The following TNKS variants were observed in gnomAD, a reference collection of about 807,000 sequenced individuals.
TNKS encodes tankyrase.
Under a neutral mutation model 135.8 loss-of-function variants are expected in TNKS, and 72 were observed. That is an observed-to-expected ratio of 0.53 (90% CI 0.44 to 0.64). The LOEUF is 0.64. TNKS is among the 30% of genes least tolerant of loss of function. The pLI is 0.00. For missense variants in TNKS, 1,769 were observed against 1,674.0 expected (o/e 1.06, Z -0.99); for synonymous variants, 849 against 649.3 (o/e 1.31, Z -4.68).
chr8:9,631,407 TAA>T (rs1248044504), intron 3 of TNKS, among the ~76,000 whole-genome samples: 3 of 152,230 alleles, frequency 2.0e-5, no homozygotes, highest in African/African-American at 7.2e-5. Context: ...ATCATGCTTA[TAA>T]GTCATAAAAT....
intron 3 of TNKS, among the ~76,000 whole-genome samples, chr8:9,675,031 A>G (rs1453553162): frequency 6.6e-6 from 1 of 152,178 alleles, no homozygotes; most frequent in East Asian, 1.9e-4. Context: ...AAGATCCTGG[A>G]GCAAAATAAT....
At chr8:9,638,334 C>T (rs753098671) in intron 3 of TNKS, among the ~76,000 whole-genome samples, 1 of 152,210 alleles carries the variant, frequency 6.6e-6, no homozygotes, top group Non-Finnish European at 1.5e-5. Context: ...ATGTTACTTA[C>T]TTTCTCATTA....
At chr8:9,649,205 C>T (rs1031271903) in intron 3 of TNKS, among the ~76,000 whole-genome samples, 1 of 152,184 alleles carries the variant, frequency 6.6e-6, no homozygotes, top group Non-Finnish European at 1.5e-5. Flanking sequence ...GTTTTGAGCA[C>T]AGAGCTACTT....
At chr8:9,690,396 C>T (rs1803210260) in intron 5 of TNKS, among the ~76,000 whole-genome samples, 1 of 152,142 alleles carries the variant, frequency 6.6e-6, no homozygotes, top group Non-Finnish European at 1.5e-5. Flanking sequence ...TGCTCTTCTC[C>T]CTTCCCTTCT....
intron 3 of TNKS, among the ~76,000 whole-genome samples, chr8:9,659,867 C>G (rs181691296): frequency 2.6e-5 from 4 of 151,832 alleles, no homozygotes; most frequent in Admixed American, 2.6e-4. Flanking sequence ...AAAAGAGAGA[C>G]GAATCAAATA....
At chr8:9,655,501 C>T (rs146690060) in intron 3 of TNKS, among the ~76,000 whole-genome samples, 4,705 of 152,246 alleles carry the variant, frequency 0.031, 171 homozygotes, top group African/African-American at 0.092. Flanking sequence ...CCAGTAGGGG[C>T]GCACTGACAC....
intron 2 of TNKS, among the ~76,000 whole-genome samples, chr8:9,592,693 A>T (rs1263877773): frequency 6.6e-6 from 1 of 152,202 alleles, no homozygotes. Flanking sequence ...TATATTCAAG[A>T]AACGTGTGTG....
chr8:9,676,686 C>CTCTG (rs1554467464), intron 3 of TNKS, among the ~76,000 whole-genome samples: 152 of 147,884 alleles, frequency 1.0e-3, no homozygotes, highest in Middle Eastern at 3.5e-3. Flanking sequence ...CTCTCTCTCT[C>CTCTG]TGTGTGTGTG....
At chr8:9,585,849 C>A (rs1269160981) in intron 2 of TNKS, among the ~76,000 whole-genome samples, 3 of 152,108 alleles carry the variant, frequency 2.0e-5, no homozygotes, top group Non-Finnish European at 4.4e-5. Flanking sequence ...TCTTTAAAAT[C>A]TAACAATTAG....
intron 1 of TNKS, among the ~76,000 whole-genome samples, chr8:9,577,293 C>G (rs1797986307): frequency 6.6e-6 from 1 of 151,424 alleles, no homozygotes; most frequent in Non-Finnish European, 1.5e-5. Flanking sequence ...GACAAATGTA[C>G]AAGGAAATTT....
rs1376306335 is a variant in TNKS at position 9,780,971 on chromosome 8, A to T, written c.*4235A>T. The T allele has an allele frequency of 6.6e-6, 1 of 152,248 alleles. No homozygotes were observed. Among genetic ancestry groups the T allele is most frequent in the Non-Finnish European group, 1.5e-5 (1 of 68,052 alleles). 9.4% of individuals were successfully genotyped at this position (152,248 alleles called of 1,614,324 possible). ...TACGACAGCAACTGTGATACCTTGT[A>T]GAATATGAGTGATATGCAAGCTGTG... is the stretch of plus-strand genomic sequence containing the variant. On this transcript the variant is annotated 3_prime_UTR_variant, in exon 27 of 27. Transcript: ENST00000310430.
chr8:9,684,126 A>G (rs1802893527), intron 5 of TNKS, among the ~76,000 whole-genome samples: 1 of 152,012 alleles, frequency 6.6e-6, no homozygotes, highest in Non-Finnish European at 1.5e-5. Flanking sequence ...ATGATTAGTC[A>G]TAACAGTCCA....
intron 2 of TNKS, among the ~76,000 whole-genome samples, chr8:9,612,066 C>T (rs4398920): frequency 0.29 from 43,727 of 151,778 alleles, 6,586 homozygotes; most frequent in East Asian, 0.38. Context: ...GATTTGAGAC[C>T]GCTCCTAAAA....
chr8:9,717,101 A>ATATATATATATTTTTTTT (rs1454492300), intron 11 of TNKS, among the ~76,000 whole-genome samples: 1 of 119,336 alleles, frequency 8.4e-6, no homozygotes, highest in African/African-American at 2.9e-5. Context: ...ATATATATAT[A>ATATATATATATTTTTTTT]TTTTCAGGGA....
At chr8:9,583,858 G>A (rs1170200684) in intron 2 of TNKS, among the ~76,000 whole-genome samples, 1 of 151,584 alleles carries the variant, frequency 6.6e-6, no homozygotes, top group Non-Finnish European at 1.5e-5. Context: ...TACTTTTCAT[G>A]GAGTCTGATA....
At chr8:9,700,339 C>G (rs1803735619) in intron 5 of TNKS, among the ~76,000 whole-genome samples, 1 of 152,172 alleles carries the variant, frequency 6.6e-6, no homozygotes, top group South Asian at 2.1e-4. Context: ...GATCCATAAG[C>G]TCAAAATACT....
rs925713930 is a variant in TNKS at position 9,778,300 on chromosome 8, T to C, written c.*1564T>C. Reference sequence around the variant, plus strand: ...ACGAGGAGGAATAGGAAAGACAGTGTGACACAAACTTGCCATTGCAATTCA... The same window carrying C: ...ACGAGGAGGAATAGGAAAGACAGTGCGACACAAACTTGCCATTGCAATTCA... On this transcript the variant is annotated 3_prime_UTR_variant, in exon 27 of 27. Coordinates refer to ENST00000310430, the MANE Select transcript of TNKS (RefSeq NM_003747.3). The C allele has an allele frequency of 7.9e-5, 12 of 152,328 alleles. No individual in the cohort carries two copies. Among genetic ancestry groups the C allele is most frequent in the African/African-American group, 2.9e-4 (12 of 41,458 alleles). The allele number at this position is 152,328 out of a possible 1,614,324, so 9.4% of individuals were successfully genotyped here.
At chr8:9,620,434 G>A (rs1300300533) in intron 3 of TNKS, among the ~76,000 whole-genome samples, 1 of 152,042 alleles carries the variant, frequency 6.6e-6, no homozygotes, top group African/African-American at 2.4e-5. Context: ...CTTAAACTTC[G>A]CTCAGTTCTC....
At chr8:9,578,911 G>T (rs546725743) in intron 1 of TNKS, among the ~76,000 whole-genome samples, 3 of 152,148 alleles carry the variant, frequency 2.0e-5, no homozygotes, top group Non-Finnish European at 4.4e-5. Flanking sequence ...AATTTAGTTT[G>T]TAATTTTACC....
Sources: gnomAD v4.1 joint callset for allele counts (sites outside exome capture counted in the v4.1 genomes callset) on GRCh38, gnomAD v4.1.1 for gene constraint, MANE v1.5 for transcripts, NCBI Gene and HGNC (gene_info 2026-07-23, HGNC 2026-07-21) for gene names.